The following LEF1 variants were observed in gnomAD, a reference collection of about 807,000 sequenced individuals.
The protein encoded by LEF1 is lymphoid enhancer binding factor 1.
In LEF1, 14 loss-of-function variants were observed where a neutral mutation model predicts 51.2. That is an observed-to-expected ratio of 0.27 (90% CI 0.18 to 0.43). The LOEUF (loss-of-function observed/expected upper bound fraction) is 0.43, where lower values mean the gene tolerates loss of function less well. Ranked by LOEUF, LEF1 falls within the 20% of genes least tolerant of loss-of-function variation. The probability of loss-of-function intolerance (pLI) is 1.00; values close to 1 mark genes in which losing one functional copy is unlikely to be tolerated. For missense variants in LEF1, 386 were observed against 512.0 expected (o/e 0.75, Z 2.37); for synonymous variants, 185 against 183.2 (o/e 1.01, Z -0.08).
intron 3 of LEF1, among the ~76,000 whole-genome samples, chr4:108,110,427 G>T (rs1312249357): frequency 6.6e-6 from 1 of 152,148 alleles, no homozygotes; most frequent in Non-Finnish European, 1.5e-5. Context: ...TTGCCTAGAA[G>T]GTTGCTAATA....
intron 3 of LEF1, among the ~76,000 whole-genome samples, chr4:108,141,315 T>C (rs963614132): frequency 1.3e-5 from 2 of 152,172 alleles, no homozygotes; most frequent in African/African-American, 2.4e-5. Flanking sequence ...GCAAACATTA[T>C]CTCCCAATTG....
chr4:108,152,051 G>A (rs376743875), intron 3 of LEF1, among the ~76,000 whole-genome samples: 9 of 152,054 alleles, frequency 5.9e-5, no homozygotes, highest in African/African-American at 2.2e-4. Context: ...CAAACACAAA[G>A]ACAAAAAGCT....
chr4:108,084,167 C>T (rs1040825285), intron 4 of LEF1, among the ~76,000 whole-genome samples: 1 of 152,178 alleles, frequency 6.6e-6, no homozygotes, highest in Non-Finnish European at 1.5e-5. Flanking sequence ...TATGTAATCC[C>T]AGTCCCAAGT....
intron 3 of LEF1, among the ~76,000 whole-genome samples, chr4:108,124,455 C>T (rs1340606420): frequency 1.3e-5 from 2 of 151,808 alleles, no homozygotes; most frequent in Non-Finnish European, 2.9e-5. Context: ...CTGCAACCTC[C>T]GCCTCCTGAG....
At chr4:108,116,081 G>T (rs1170065172) in intron 3 of LEF1, among the ~76,000 whole-genome samples, 1 of 152,174 alleles carries the variant, frequency 6.6e-6, no homozygotes, top group African/African-American at 2.4e-5. Context: ...CTCCCGCCCA[G>T]GCAAGATTTT....
At chr4:108,100,313 A>T (rs2110292998) in intron 3 of LEF1, among the ~76,000 whole-genome samples, 2 of 152,300 alleles carry the variant, frequency 1.3e-5, no homozygotes, top group African/African-American at 4.8e-5. Flanking sequence ...GAGGAAGCAA[A>T]ATTTAAAGAC....
chr4:108,099,426 G>GT (rs1334698192), intron 3 of LEF1, among the ~76,000 whole-genome samples: 8 of 150,726 alleles, frequency 5.3e-5, no homozygotes, highest in Admixed American at 3.3e-4. Context: ...ATCAGAGAAG[G>GT]TAAGTGGCAG....
At chr4:108,112,176 G>T (rs1340909017) in intron 3 of LEF1, among the ~76,000 whole-genome samples, 1 of 152,164 alleles carries the variant, frequency 6.6e-6, no homozygotes, top group Non-Finnish European at 1.5e-5. Flanking sequence ...GGCTGCTGGG[G>T]CATTAGAAGC....
chr4:108,131,024 T>A (rs1742851426), intron 3 of LEF1, among the ~76,000 whole-genome samples: 1 of 152,156 alleles, frequency 6.6e-6, no homozygotes, highest in Non-Finnish European at 1.5e-5. Context: ...TTTATCTTTT[T>A]TTTTAGGAGT....
At chr4:108,071,113 C>G (rs1723379324) in intron 8 of LEF1, among the ~76,000 whole-genome samples, 1 of 152,204 alleles carries the variant, frequency 6.6e-6, no homozygotes, top group Non-Finnish European at 1.5e-5. Context: ...CCCAACTTCA[C>G]TGTTTTTCAC....
At chr4:108,089,492 C>T (rs1459857644) in intron 3 of LEF1, among the ~76,000 whole-genome samples, 1 of 152,144 alleles carries the variant, frequency 6.6e-6, no homozygotes, top group Non-Finnish European at 1.5e-5. Flanking sequence ...AGTTATTTCA[C>T]CAGTGACTCT....
intron 9 of LEF1, among the ~76,000 whole-genome samples, chr4:108,069,483 T>C (rs1266740449): frequency 6.6e-6 from 1 of 152,190 alleles, no homozygotes; most frequent in African/African-American, 2.4e-5. Context: ...TAGTATGACT[T>C]AAACATGATA....
In LEF1 at chr4:108,120,979, C is replaced by T. The variant is rs555164049; in HGVS notation, c.415-31722G>A. 9.3e-4 allele frequency among the ~76,000 whole-genome samples: 142 copies of T among 152,322 alleles called. 2 individuals carry two copies. Among genetic ancestry groups the T allele is most frequent in the Admixed American group, 9.2e-3 (141 of 15,300 alleles). On this transcript the variant is annotated intron_variant, in intron 3 of 11. Transcript: ENST00000265165. The stretch of plus-strand genomic sequence containing the variant: ...ACCAAGTCTGAAGAGCCACAGCTGA[C>T]CTGTCAATCATTCTGCAAAGTAAAA...
chr4:108,147,546 C>G (rs1187773979), intron 3 of LEF1, among the ~76,000 whole-genome samples: 1 of 152,094 alleles, frequency 6.6e-6, no homozygotes, highest in Non-Finnish European at 1.5e-5. Context: ...ATAAGAAGCC[C>G]TCATAAAATC....
In LEF1 at chr4:108,099,710, AC is replaced by A. The variant is rs940188964; in HGVS notation, c.415-10454del. ...CCCTGGTGGTTTGCCGCACCCATCA[AC>A]CTATATCATCTACATTAGGTATTTC... On this transcript the variant is annotated intron_variant, in intron 3 of 11. Transcript: ENST00000265165. Among the ~76,000 whole-genome samples the A allele has an allele frequency of 8.7e-5, 13 of 149,844 alleles. 1 individual carries two copies. In the South Asian group the frequency reaches 1.3e-3, roughly 15 times the overall value.
chr4:108,115,433 T>C (rs971463716), intron 3 of LEF1, among the ~76,000 whole-genome samples: 3 of 152,222 alleles, frequency 2.0e-5, no homozygotes, highest in Non-Finnish European at 2.9e-5. Context: ...AATTTTAAGA[T>C]GGTTCACATT....
At position 108,078,449 on chromosome 4, in the gene LEF1, G is replaced by GA. The variant is rs747742051; in HGVS notation, c.846-68dup. ...GGAATGAGGAAGGGATGGGGGAGGA[G>GA]AAAAGCAGAGCACCTGCTCACATGG... On this transcript the variant is annotated intron_variant, in intron 7 of 11. Coordinates refer to ENST00000265165, the MANE Select transcript of LEF1 (RefSeq NM_016269.5). The GA allele has an allele frequency of 2.1e-5, 34 of 1,598,380 alleles. No individual in the cohort carries two copies. The African/African-American group carries it at 4.1e-4, about 20-fold the overall frequency.
At chr4:108,089,385 G>T in intron 3 of LEF1, 128 bp from the exon 4 acceptor site, 1 of 904,984 alleles carries the variant, frequency 1.1e-6, no homozygotes, top group Non-Finnish European at 1.6e-6. Flanking sequence ...CTTCAGACCT[G>T]GACAGGTGGA....
Position 108,163,697 on chromosome 4 carries a change from C to G in LEF1, c.285G>C (p.Lys95Asn). ...TGTTGTAGAGGCCTCCATCTGGATG[C>G]TTTCCTGGGAAGATCCAAAGAACAA... ...DKAREHPDDG[K>N]HPDGGLYNKG... Residue 95 changes from lysine to asparagine, a missense_variant, in exon 3 of 12, where the codon AAG becomes AAC. By Grantham distance (94) the Lys-to-Asn change is moderately conservative (BLOSUM62 0). Transcript: ENST00000265165. 1 of 1,613,370 alleles carries G rather than the reference C, an allele frequency of 6.2e-7. No homozygotes were observed. The highest frequency in any genetic ancestry group is 8.5e-7 in the Non-Finnish European group (1 of 1,179,620).
Sources: allele counts gnomAD v4.1 joint callset (sites outside exome capture counted in the v4.1 genomes callset), GRCh38; gene constraint gnomAD v4.1.1; transcripts MANE v1.5; gene names NCBI Gene and HGNC (gene_info 2026-07-23, HGNC 2026-07-21).